SEMA3D: variants seen among roughly 807,000 people sequenced by gnomAD.
The protein encoded by SEMA3D is semaphorin 3D, also known as semaphorin-3D.
Under a neutral mutation model 100.1 loss-of-function variants are expected in SEMA3D, and 84 were observed. The observed-to-expected ratio is 0.84, with a 90% CI of 0.70 to 1.01. The LOEUF is 1.01. Ranked by LOEUF, SEMA3D falls within the 50% of genes least tolerant of loss-of-function variation. The pLI, the probability that SEMA3D is intolerant of heterozygous loss-of-function variation, is 0.00. For missense variants in SEMA3D, 875 were observed against 934.1 expected (o/e 0.94, Z 0.82); for synonymous variants, 312 against 320.7 (o/e 0.97, Z 0.29).
At chr7:85,233,134 A>T in the SEMA3D span, among the ~76,000 whole-genome samples, 1 of 152,156 alleles carries the variant, frequency 6.6e-6, no homozygotes. Flanking sequence ...TCATGAGGAC[A>T]TTATTTTGAG....
chr7:85,032,421 T>TA (rs1204300946), intron 12 of SEMA3D, among the ~76,000 whole-genome samples: 2 of 151,966 alleles, frequency 1.3e-5, no homozygotes, highest in African/African-American at 4.8e-5. Flanking sequence ...AGCAATGAAG[T>TA]AAAAGGCTAC....
intron 2 of SEMA3D, among the ~76,000 whole-genome samples, chr7:85,122,292 A>G (rs1172490597): frequency 6.6e-6 from 1 of 152,070 alleles, no homozygotes; most frequent in Non-Finnish European, 1.5e-5. Context: ...CTAAATTATA[A>G]TGTTCTGAAT....
Position 85,061,585 on chromosome 7 carries a change from T to A in SEMA3D, c.718+3839A>T, listed in dbSNP as rs542676701. On this transcript the variant is annotated intron_variant, in intron 8 of 18. Coordinates refer to ENST00000284136, the MANE Select transcript of SEMA3D (RefSeq NM_001384900.1). ...CCTCCCACTCCTGACTCCAGACAGA[T>A]GACTCCATTGACTTTGGACCATAGG... Among the ~76,000 whole-genome samples the A allele has an allele frequency of 1.1e-4, 17 of 152,320 alleles. No individual in the cohort carries two copies. The South Asian group carries it at 3.3e-3, about 30-fold the overall frequency.
the SEMA3D span, among the ~76,000 whole-genome samples, chr7:85,204,961 T>C: frequency 2.6e-5 from 4 of 152,164 alleles, no homozygotes; most frequent in Admixed American, 2.0e-4. Flanking sequence ...ATAAGTTTTC[T>C]TTTTGGTAAA....
At chr7:85,012,652 C>A in intron 17 of SEMA3D, 130 bp downstream of exon 17, 1 of 631,382 alleles carries the variant, frequency 1.6e-6, no homozygotes, top group East Asian at 2.9e-5. Context: ...GTTGCTCTTC[C>A]AGAACACATG....
chr7:85,229,450 A>G, the SEMA3D span, among the ~76,000 whole-genome samples: 2 of 152,058 alleles, frequency 1.3e-5, no homozygotes, highest in Non-Finnish European at 2.9e-5. Flanking sequence ...TCATGAAATT[A>G]GGGTTTCTAC....
At chr7:85,249,836 A>C in the SEMA3D span, among the ~76,000 whole-genome samples, 1 of 152,190 alleles carries the variant, frequency 6.6e-6, no homozygotes, top group African/African-American at 2.4e-5. Flanking sequence ...GTTATATAAA[A>C]ATTAAATTTT....
At chr7:85,049,505 C>T (rs1791101382) in intron 9 of SEMA3D, among the ~76,000 whole-genome samples, 1 of 149,894 alleles carries the variant, frequency 6.7e-6, no homozygotes, top group Non-Finnish European at 1.5e-5. Flanking sequence ...AGAGTTCATT[C>T]AATTAAAAAA....
intron 10 of SEMA3D, chr7:85,041,869 A>G (rs1368262766): frequency 4.2e-5 from 12 of 282,462 alleles, no homozygotes; most frequent in Admixed American, 2.0e-4. Context: ...AAAATGAAAG[A>G]CTGCATGGAG....
At chr7:85,056,180 C>A (rs1791313030) in intron 8 of SEMA3D, among the ~76,000 whole-genome samples, 1 of 151,974 alleles carries the variant, frequency 6.6e-6, no homozygotes, top group Admixed American at 6.6e-5. Context: ...GAGTTTTCAA[C>A]CACCATGTCT....
At chr7:85,075,747 T>C (rs1791904858) in intron 5 of SEMA3D, among the ~76,000 whole-genome samples, 1 of 152,226 alleles carries the variant, frequency 6.6e-6, no homozygotes, top group Non-Finnish European at 1.5e-5. Context: ...AGGCCTTGGC[T>C]GCCTGGGCAA....
At chr7:85,173,771 G>C (rs1231611104) in intron 1 of SEMA3D, among the ~76,000 whole-genome samples, 1 of 152,030 alleles carries the variant, frequency 6.6e-6, no homozygotes, top group Non-Finnish European at 1.5e-5. Context: ...ATTAAAAAAT[G>C]GGACACTGAG....
intron 2 of SEMA3D, among the ~76,000 whole-genome samples, chr7:85,150,346 A>AATAT (rs3078412): frequency 0.28 from 34,259 of 120,994 alleles, 5,558 homozygotes; most frequent in South Asian, 0.37. Context: ...CTTTTCTAGA[A>AATAT]ATATATATAT....
At chr7:85,035,276 C>A (rs1440761480) in intron 12 of SEMA3D, among the ~76,000 whole-genome samples, 2 of 150,732 alleles carry the variant, frequency 1.3e-5, no homozygotes, top group African/African-American at 4.9e-5. Context: ...ATGATATATG[C>A]ATCATATATG....
At chr7:85,197,337 C>T in the SEMA3D span, among the ~76,000 whole-genome samples, 2 of 152,184 alleles carry the variant, frequency 1.3e-5, no homozygotes, top group African/African-American at 4.8e-5. Flanking sequence ...TCAAAAGAAC[C>T]TTGGTCTCCA....
chr7:85,133,185 T>C (rs773641416), intron 2 of SEMA3D, among the ~76,000 whole-genome samples: 3 of 151,996 alleles, frequency 2.0e-5, no homozygotes, highest in Admixed American at 6.6e-5. Context: ...ATTTGTGCTA[T>C]CTAATTTCCC....
chr7:85,246,244 C>G, the SEMA3D span, among the ~76,000 whole-genome samples: 584 of 152,130 alleles, frequency 3.8e-3, 2 homozygotes, highest in Non-Finnish European at 6.6e-3. Flanking sequence ...TCTTTAAGCA[C>G]AGCAAAGATA....
Position 85,157,126 on chromosome 7 carries a change from T to TA in SEMA3D, c.-172-3388dup, listed in dbSNP as rs1368282438. Among the ~76,000 whole-genome samples, 13 of 151,522 alleles carry TA rather than the reference T, an allele frequency of 8.6e-5. No individual in the cohort carries two copies. The South Asian group carries it at 1.5e-3, about 17-fold the overall frequency. ...GCACAGCCTACCTTTTTAGTCTGTT[T>TA]AAAAAAAAATAGACCTAGGGTTTTA... On this transcript the variant is annotated intron_variant, in intron 1 of 18. Coordinates refer to ENST00000284136, the MANE Select transcript of SEMA3D (RefSeq NM_001384900.1).
intron 3 of SEMA3D, among the ~76,000 whole-genome samples, chr7:85,110,857 A>G (rs1279502331): frequency 6.6e-6 from 1 of 152,028 alleles, no homozygotes; most frequent in African/African-American, 2.4e-5. Context: ...TCTATAGTCA[A>G]TGTCTCCAGT....
Sources: allele counts gnomAD v4.1 joint callset (sites outside exome capture counted in the v4.1 genomes callset), GRCh38; gene constraint gnomAD v4.1.1; transcripts MANE v1.5; gene names NCBI Gene and HGNC (gene_info 2026-07-23, HGNC 2026-07-21).